ADCY2: variants seen among roughly 807,000 people sequenced by gnomAD.
The protein encoded by ADCY2 is adenylate cyclase 2, also known as adenylate cyclase type 2.
In ADCY2, 31 loss-of-function variants were observed where a neutral mutation model predicts 125.2. The ratio of observed to expected loss-of-function variants is 0.25; its 90% confidence interval spans 0.19 to 0.33. ADCY2 has a LOEUF of 0.33. Among genes scored for constraint, ADCY2 ranks in the 10% least tolerant of loss-of-function variants. ADCY2 has a pLI of 1.00. For missense variants in ADCY2, 904 were observed against 1,418.2 expected, an observed-to-expected ratio of 0.64 and a Z score of 5.82; for synonymous variants, 512 against 548.4, an observed-to-expected ratio of 0.93 and a Z score of 0.93.
intron 2 of ADCY2, among the ~76,000 whole-genome samples, chr5:7,485,432 G>A (rs768846190): frequency 1.7e-4 from 26 of 152,070 alleles, no homozygotes; most frequent in Non-Finnish European, 2.5e-4. Context: ...TTTAATTTCA[G>A]CAATAATAAA....
intron 3 of ADCY2, among the ~76,000 whole-genome samples, chr5:7,572,007 A>T (rs1235767398): frequency 6.6e-6 from 1 of 152,176 alleles, no homozygotes; most frequent in Non-Finnish European, 1.5e-5. Context: ...TCCATGGTGT[A>T]TATATACCAC....
intron 2 of ADCY2, among the ~76,000 whole-genome samples, chr5:7,435,427 G>A (rs939040212): frequency 6.6e-6 from 1 of 152,054 alleles, no homozygotes; most frequent in Non-Finnish European, 1.5e-5. Flanking sequence ...TTCATCATAC[G>A]ACATAATCAG....
At chr5:7,692,565 T>C (rs1359785545) in intron 5 of ADCY2, among the ~76,000 whole-genome samples, 1 of 152,218 alleles carries the variant, frequency 6.6e-6, no homozygotes, top group Admixed American at 6.5e-5. Context: ...AAACATTTAC[T>C]TATCTAAGTG....
At chr5:7,652,852 G>C (rs1295986427) in intron 4 of ADCY2, among the ~76,000 whole-genome samples, 1 of 152,150 alleles carries the variant, frequency 6.6e-6, no homozygotes, top group African/African-American at 2.4e-5. Flanking sequence ...CCCTGACCAA[G>C]ACACACTGAC....
intron 23 of ADCY2, among the ~76,000 whole-genome samples, chr5:7,818,354 T>C (rs1745183777): frequency 8.5e-6 from 1 of 117,806 alleles, no homozygotes; most frequent in Non-Finnish European, 1.6e-5. Flanking sequence ...TTTCTTTTTC[T>C]TTTTTTTTTT....
intron 2 of ADCY2, among the ~76,000 whole-genome samples, chr5:7,462,389 A>C (rs999679155): frequency 6.6e-6 from 1 of 152,236 alleles, no homozygotes; most frequent in African/African-American, 2.4e-5. Context: ...TAACTAGGTC[A>C]GTCGCCAAGT....
chr5:7,491,945 TC>T (rs1743179104), intron 2 of ADCY2, among the ~76,000 whole-genome samples: 1 of 152,358 alleles, frequency 6.6e-6, no homozygotes, highest in African/African-American at 2.4e-5. Flanking sequence ...TAACTGAACT[TC>T]CTGTGTGTGC....
rs11332766 is a variant in ADCY2 at position 7,776,193 on chromosome 5, TAAAAAAAAA to T, written c.2384+3107_2384+3115del. Among the ~76,000 whole-genome samples, 48 of 91,530 alleles carry T rather than the reference TAAAAAAAAA, an allele frequency of 5.2e-4. 2 individuals carry two copies. The Admixed American group carries it at 6.2e-3, about 12-fold the overall frequency. The allele number at this position is 91,530 out of a possible 152,430, so 60.0% of individuals were successfully genotyped here. On this transcript the variant is annotated intron_variant, in intron 18 of 24. Coordinates refer to ENST00000338316, the MANE Select transcript of ADCY2 (RefSeq NM_020546.3). ...CTTCCCAATATGAAAGTGAGATCCTTAAAAAAAAAAAAAAAAAAAAAAAGCTGTGTAACA... is the reference window on the plus strand; with the variant it reads ...CTTCCCAATATGAAAGTGAGATCCTTAAAAAAAAAAAAAAGCTGTGTAACA...
chr5:7,451,327 A>C lies in ADCY2; in HGVS notation c.408+36557A>C, dbSNP rs912639308. On this transcript the variant is annotated intron_variant, in intron 2 of 24. Coordinates refer to ENST00000338316, the MANE Select transcript of ADCY2 (RefSeq NM_020546.3). ...CAGGATTTTGGAAGAAGTTGAGTTC[A>C]ACCCTCATGGGTGACTTCGTCTTTG... Among the ~76,000 whole-genome samples, 2 of 152,256 alleles carry C rather than the reference A, an allele frequency of 1.3e-5. 1 individual carries two copies. Among genetic ancestry groups the C allele is most frequent in the Non-Finnish European group, 2.9e-5 (2 of 68,048 alleles).
At chr5:7,825,295 C>T (rs574044541) in intron 24 of ADCY2, among the ~76,000 whole-genome samples, 27 of 151,596 alleles carry the variant, frequency 1.8e-4, no homozygotes, top group African/African-American at 5.1e-4. Flanking sequence ...GACATGACAA[C>T]GCTGCTGTGC....
intron 2 of ADCY2, among the ~76,000 whole-genome samples, chr5:7,448,472 A>AT (rs954696727): frequency 1.6e-4 from 23 of 146,778 alleles, no homozygotes; most frequent in South Asian, 4.3e-4. Context: ...TTCATTCATT[A>AT]TTTTTTTTTT....
chr5:7,791,094 T>C (rs1055429605), intron 20 of ADCY2, among the ~76,000 whole-genome samples: 1 of 152,046 alleles, frequency 6.6e-6, no homozygotes, highest in African/African-American at 2.4e-5. Context: ...CCACAAGGAA[T>C]TTTTTCCTGA....
chr5:7,820,765 G>T, intron 24 of ADCY2, 76 bp downstream of exon 24: 1 of 1,463,744 alleles, frequency 6.8e-7, no homozygotes, highest in South Asian at 1.5e-5. Flanking sequence ...AGTATAATAA[G>T]GATACTAATA....
chr5:7,415,070 T>G (rs1739887075), intron 2 of ADCY2, among the ~76,000 whole-genome samples: 1 of 152,228 alleles, frequency 6.6e-6, no homozygotes, highest in Non-Finnish European at 1.5e-5. Flanking sequence ...TGGATACATA[T>G]GTGTTTAATA....
intron 7 of ADCY2, among the ~76,000 whole-genome samples, chr5:7,702,033 G>A (rs375786509): frequency 1.2e-4 from 18 of 151,970 alleles, no homozygotes; most frequent in African/African-American, 3.9e-4. Context: ...TGCCACTTGC[G>A]GAACAAGGGA....
In ADCY2 at chr5:7,586,513, G is replaced by A. The variant is rs151055939; in HGVS notation, c.571-39654G>A. The stretch of plus-strand genomic sequence containing the variant: ...TGTCAATTCCTGAGTTCTGACAAAT[G>A]TGAGGGAAAGGAACTATGCAGTTAA... On this transcript the variant is annotated intron_variant, in intron 3 of 24. Transcript: ENST00000338316. Among the ~76,000 whole-genome samples the A allele has an allele frequency of 2.6e-4, 39 of 152,234 alleles. 1 individual carries two copies. The Middle Eastern group carries it at 0.014, about 53-fold the overall frequency.
At chr5:7,603,812 T>A (rs1737309970) in intron 3 of ADCY2, among the ~76,000 whole-genome samples, 1 of 136,914 alleles carries the variant, frequency 7.3e-6, no homozygotes, top group South Asian at 2.3e-4. Flanking sequence ...TTTTTTTTCT[T>A]TTGTTTTTTT....
intron 2 of ADCY2, among the ~76,000 whole-genome samples, chr5:7,465,902 A>G (rs561824365): frequency 2.0e-5 from 3 of 152,308 alleles, no homozygotes; most frequent in Admixed American, 6.5e-5. Flanking sequence ...TGAAAGGTCA[A>G]TGAAATTTGG....
At chr5:7,707,660 A>C (rs751622613) in intron 8 of ADCY2, 46 bp from the exon 9 acceptor site, 1 of 1,604,790 alleles carries the variant, frequency 6.2e-7, no homozygotes, top group South Asian at 1.1e-5. Context: ...CTTTCTTCAC[A>C]CTTATCCTTT....
Sources: gnomAD v4.1 joint callset for allele counts (sites outside exome capture counted in the v4.1 genomes callset) on GRCh38, gnomAD v4.1.1 for gene constraint, MANE v1.5 for transcripts, NCBI Gene and HGNC (gene_info 2026-07-23, HGNC 2026-07-21) for gene names.